The following EPN2 variants were observed in gnomAD, a reference collection of about 807,000 sequenced individuals.
The protein encoded by EPN2 is epsin 2.
Under a neutral mutation model 61.7 loss-of-function variants are expected in EPN2, and 34 were observed. That is an observed-to-expected ratio of 0.55 (90% CI 0.42 to 0.73). The LOEUF is 0.73. EPN2 is among the 30% of genes least tolerant of loss of function. The probability of loss-of-function intolerance (pLI) is 0.00; values close to 1 mark genes in which losing one functional copy is unlikely to be tolerated. For synonymous variants in EPN2, 349 were observed against 353.6 expected, an observed-to-expected ratio of 0.99 and a Z score of 0.15; for missense variants, 714 against 839.2, an observed-to-expected ratio of 0.85 and a Z score of 1.84.
intron 1 of EPN2, chr17:19,249,433 G>T (rs933988686): frequency 2.0e-5 from 3 of 152,206 alleles, no homozygotes; most frequent in African/African-American, 7.2e-5. Context: ...TAATGTCTAT[G>T]TGATTAAACA....
intron 9 of EPN2, 51 bp downstream of exon 9, chr17:19,329,698 T>C: frequency 9.2e-7 from 1 of 1,081,904 alleles, no homozygotes. Flanking sequence ...TTTGACCAGC[T>C]GAGTTATTGC....
chr17:19,243,594 C>A (rs1261300801), intron 1 of EPN2, among the ~76,000 whole-genome samples: 1 of 151,852 alleles, frequency 6.6e-6, no homozygotes, highest in Non-Finnish European at 1.5e-5. Context: ...GGGGTTTCAC[C>A]GTGTTAGCCA....
chr17:19,239,560 T>C (rs1253711654), intron 1 of EPN2, among the ~76,000 whole-genome samples: 4 of 152,248 alleles, frequency 2.6e-5, no homozygotes, highest in African/African-American at 9.6e-5. Context: ...GGGCTATTCT[T>C]TTGTAAGCAG....
At chr17:19,243,078 C>T (rs28710404) in intron 1 of EPN2, among the ~76,000 whole-genome samples, 4 of 152,108 alleles carry the variant, frequency 2.6e-5, no homozygotes, top group South Asian at 2.1e-4. Context: ...AAGGGGGGCT[C>T]GTAATCACTA....
At chr17:19,286,408 A>T (rs2045405481) in intron 4 of EPN2, among the ~76,000 whole-genome samples, 1 of 152,202 alleles carries the variant, frequency 6.6e-6, no homozygotes. Flanking sequence ...GGTAACTAAA[A>T]ATGGGGCTTC....
At chr17:19,264,682 G>T (rs574352316) in intron 1 of EPN2, among the ~76,000 whole-genome samples, 15 of 152,322 alleles carry the variant, frequency 9.8e-5, no homozygotes, top group African/African-American at 3.4e-4. Context: ...GGTTTGGTAA[G>T]GGTGTAGAGA....
At chr17:19,332,204 G>A in intron 10 of EPN2, 136 bp downstream of exon 10, 1 of 679,886 alleles carries the variant, frequency 1.5e-6, no homozygotes. Context: ...GATTACGTAT[G>A]CCCTCGCCAG....
rs762455578 is a variant in EPN2 at position 19,283,234 on chromosome 17, C to A, written c.115C>A (p.Leu39Met). ...SNDPWGPSSS[L>M]MTEIADLTYN... The stretch of plus-strand genomic sequence containing the variant: ...TGACCCGTGGGGCCCGTCCAGTTCT[C>A]TGATGACCGAGATTGCCGACCTGAC... The change falls in exon 3 of 11, where the codon CTG (leucine) becomes ATG (methionine). Residue 39 changes from leucine (L) to methionine (M), a missense_variant. Leu to Met is a conservative substitution (Grantham distance 15). Coordinates refer to ENST00000314728, the MANE Select transcript of EPN2 (RefSeq NM_014964.5). The surrounding 1 kb of genome is among the most constrained non-coding windows in gnomAD (Gnocchi z 7.0). The A allele has an allele frequency of 5.0e-6, 8 of 1,614,192 alleles. No homozygotes were observed. The East Asian group carries it at 1.8e-4, about 36-fold the overall frequency.
intron 1 of EPN2, among the ~76,000 whole-genome samples, chr17:19,245,202 A>G (rs564023121): frequency 5.8e-4 from 89 of 152,252 alleles, no homozygotes; most frequent in African/African-American, 2.1e-3. Flanking sequence ...GCTACCCTAG[A>G]TGGCTTGACC....
intron 4 of EPN2, among the ~76,000 whole-genome samples, chr17:19,292,169 G>C (rs2045471839): frequency 6.6e-6 from 1 of 152,232 alleles, no homozygotes; most frequent in Non-Finnish European, 1.5e-5. Context: ...GGCCAGCTGA[G>C]GTCTCCTGAG....
chr17:19,310,458 G>C (rs1159534022), intron 5 of EPN2, among the ~76,000 whole-genome samples: 9 of 152,066 alleles, frequency 5.9e-5, no homozygotes, highest in Non-Finnish European at 1.3e-4. Context: ...AAATGCTCCC[G>C]AAATGAGAGT....
intron 1 of EPN2, among the ~76,000 whole-genome samples, chr17:19,277,502 A>G (rs2045319499): frequency 6.6e-6 from 1 of 151,726 alleles, no homozygotes; most frequent in African/African-American, 2.4e-5. Context: ...CTCATGGCAG[A>G]TGTTTGCTGG....
chr17:19,305,554 A>G (rs1905795749), intron 4 of EPN2, among the ~76,000 whole-genome samples: 1 of 152,220 alleles, frequency 6.6e-6, no homozygotes, highest in South Asian at 2.1e-4. Flanking sequence ...GGAAAATTGC[A>G]AAATGTAGCT....
intron 1 of EPN2, among the ~76,000 whole-genome samples, chr17:19,274,679 C>T (rs537218865): frequency 6.6e-6 from 1 of 152,274 alleles, no homozygotes; most frequent in Non-Finnish European, 1.5e-5. Context: ...CACAGAGGCA[C>T]GGGGTGTAGA....
chr17:19,293,120 T>A (rs1309074868), intron 4 of EPN2, among the ~76,000 whole-genome samples: 3 of 152,156 alleles, frequency 2.0e-5, no homozygotes, highest in Non-Finnish European at 4.4e-5. Flanking sequence ...GGCTCACGCC[T>A]GTAATCCCAG....
chr17:19,321,848 G>A (rs1906651971), intron 7 of EPN2, among the ~76,000 whole-genome samples: 1 of 152,124 alleles, frequency 6.6e-6, no homozygotes, highest in Non-Finnish European at 1.5e-5. Context: ...TGTCACCGCA[G>A]TCCTGAAGTC....
At chr17:19,301,616 C>T (rs1226806816) in intron 4 of EPN2, among the ~76,000 whole-genome samples, 1 of 152,232 alleles carries the variant, frequency 6.6e-6, no homozygotes, top group South Asian at 2.1e-4. Flanking sequence ...GGCTTCTGAA[C>T]CCCCACCACT....
In EPN2 at chr17:19,283,136, T is replaced by C; in HGVS notation, c.17T>C (p.Ile6Thr). Reference protein sequence around the residue: MTTSSIRRQMKNIVNN... With the variant: MTTSSTRRQMKNIVNN... ...AAAATAAAAATGACGACTTCGTCTATCAGACGGCAGATGAAAAACATCGTG... is the reference window on the plus strand; with the variant it reads ...AAAATAAAAATGACGACTTCGTCTACCAGACGGCAGATGAAAAACATCGTG... Residue 6 changes from isoleucine (I) to threonine (T), a missense_variant, in exon 3 of 11, where the codon ATC becomes ACC. By Grantham distance (89) the Ile-to-Thr change is moderately conservative. This residue lies in a region of EPN2 where 304 missense variants were observed against 417.4 expected (regional missense o/e 0.73). Coordinates refer to ENST00000314728, the MANE Select transcript of EPN2 (RefSeq NM_014964.5). This position sits in a 1 kb window ranked among gnomAD's most constrained non-coding sequence, Gnocchi z 7.0. 1 of 1,610,346 alleles carries C rather than the reference T, an allele frequency of 6.2e-7. No individual in the cohort carries two copies. The highest frequency in any genetic ancestry group is 8.5e-7 in the Non-Finnish European group (1 of 1,178,376).
chr17:19,322,051 A>G (rs1906660865), intron 7 of EPN2, among the ~76,000 whole-genome samples: 2 of 152,146 alleles, frequency 1.3e-5, no homozygotes, highest in African/African-American at 2.4e-5. Flanking sequence ...CCCCTTCCCC[A>G]TGTCGAGCAG....
Sources: allele counts gnomAD v4.1 joint callset (sites outside exome capture counted in the v4.1 genomes callset), GRCh38; gene constraint gnomAD v4.1.1; regional missense constraint gnomAD v4.1.1; non-coding constraint Gnocchi (gnomAD v3.1); transcripts MANE v1.5; gene names NCBI Gene and HGNC (gene_info 2026-07-23, HGNC 2026-07-21).